Variants in SFMBT1 observed in about 807,000 individuals in gnomAD.
SFMBT1 encodes the protein scm-like with four MBT domains protein 1.
SFMBT1 carries 32 observed loss-of-function variants against 108.7 expected under a neutral mutation model. The ratio of observed to expected loss-of-function variants is 0.29; its 90% CI spans 0.22 to 0.40. The LOEUF is 0.40. SFMBT1 is among the 10% of genes least tolerant of loss of function. The pLI is 1.00. For synonymous variants in SFMBT1, 348 were observed against 369.5 expected, an observed-to-expected ratio of 0.94 and a Z score of 0.67; for missense variants, 816 against 1,059.6, an observed-to-expected ratio of 0.77 and a Z score of 3.19.
intron 1 of SFMBT1, among the ~76,000 whole-genome samples, chr3:52,984,912 T>C (rs769822808): frequency 3.9e-5 from 6 of 152,138 alleles, no homozygotes; most frequent in African/African-American, 7.2e-5. Context: ...TACCAGGATA[T>C]TGAGCACCTC....
chr3:52,913,851 T>C (rs555755965), intron 14 of SFMBT1, among the ~76,000 whole-genome samples: 154 of 152,344 alleles, frequency 1.0e-3, no homozygotes, highest in African/African-American at 3.5e-3. Flanking sequence ...GATTAGTTCC[T>C]AGGTTACTGC....
chr3:52,986,980 T>G lies in SFMBT1; in HGVS notation c.-130-17722A>C, dbSNP rs541777787. On this transcript the variant is annotated intron_variant, in intron 1 of 20. Transcript: ENST00000394752. ...TTTCTTTATATCCTTATTCTATAAC[T>G]TTTTTCTATTAACTTTTTATTTACT... Among the ~76,000 whole-genome samples the G allele has an allele frequency of 5.3e-5, 8 of 152,176 alleles. No individual in the cohort carries two copies. In the South Asian group the frequency reaches 1.7e-3, roughly 32 times the overall value.
chr3:52,910,026 C>T (rs1231913788), intron 17 of SFMBT1, among the ~76,000 whole-genome samples: 1 of 152,164 alleles, frequency 6.6e-6, no homozygotes, highest in African/African-American at 2.4e-5. Flanking sequence ...ACCCAGCTCT[C>T]TGCACAGCTG....
intron 1 of SFMBT1, among the ~76,000 whole-genome samples, chr3:53,005,956 A>C (rs1698725705): frequency 6.6e-6 from 1 of 152,210 alleles, no homozygotes; most frequent in Admixed American, 6.5e-5. Flanking sequence ...TGGGGCAGGC[A>C]GGACCATGCA....
At chr3:52,926,248 A>C in intron 9 of SFMBT1, 135 bp from the exon 10 acceptor site, 1 of 690,876 alleles carries the variant, frequency 1.4e-6, no homozygotes, top group Non-Finnish European at 2.4e-6. Context: ...AGAGGGGCGA[A>C]AAGCATTCTA....
chr3:52,907,615 A>C lies in SFMBT1; in HGVS notation c.2025T>G (p.Phe675Leu). 1 of 1,614,170 alleles carries C rather than the reference A, an allele frequency of 6.2e-7. No individual in the cohort carries two copies. The highest frequency in any genetic ancestry group is 8.5e-7 in the Non-Finnish European group (1 of 1,180,026). ...SKRRKRRKNV[F>L]VHKKKRSSAS... is the part of the protein sequence containing the mutation. ...CAGAGGAGCGTTTCTTCTTATGAAC[A>C]AAAACATTTTTCCGCCTCTTTCTCC... The change falls in exon 18 of 21, where the codon TTT (phenylalanine) becomes TTG (leucine). Residue 675 changes from phenylalanine to leucine, a missense_variant. Physicochemically the swap from Phe to Leu is conservative, Grantham distance 22. Coordinates refer to ENST00000394752, the MANE Select transcript of SFMBT1 (RefSeq NM_016329.4).
At chr3:52,935,022 T>G in intron 4 of SFMBT1, 121 bp from the exon 5 acceptor site, 1 of 725,438 alleles carries the variant, frequency 1.4e-6, no homozygotes, top group South Asian at 1.9e-5. Flanking sequence ...TCCAACATAC[T>G]GCTTGAGAGC....
intron 1 of SFMBT1, among the ~76,000 whole-genome samples, chr3:53,038,902 A>C (rs1225173987): frequency 6.6e-6 from 1 of 152,190 alleles, no homozygotes; most frequent in Non-Finnish European, 1.5e-5. Flanking sequence ...TACAATTCTG[A>C]ACACACATAT....
chr3:52,968,657 T>C (rs1704232279), intron 2 of SFMBT1, among the ~76,000 whole-genome samples: 1 of 149,922 alleles, frequency 6.7e-6, no homozygotes, highest in African/African-American at 2.5e-5. Context: ...TGGAGTGCAG[T>C]GGCGCGATCC....
chr3:53,019,384 TGTG>T (rs756305236), intron 1 of SFMBT1, among the ~76,000 whole-genome samples: 1 of 111,798 alleles, frequency 8.9e-6, no homozygotes, highest in Non-Finnish European at 1.9e-5. Context: ...TGTGTGTGTG[TGTG>T]GGGGGGGTAT....
chr3:53,032,601 T>C (rs1362103398), intron 1 of SFMBT1, among the ~76,000 whole-genome samples: 1 of 152,178 alleles, frequency 6.6e-6, no homozygotes, highest in Non-Finnish European at 1.5e-5. Context: ...GTTTAGAACA[T>C]AATACATTTT....
intron 3 of SFMBT1, among the ~76,000 whole-genome samples, chr3:52,950,954 A>G (rs1349382241): frequency 6.6e-6 from 1 of 151,190 alleles, no homozygotes; most frequent in African/African-American, 2.4e-5. Context: ...CTCTACCAAA[A>G]TATATATATA....
intron 1 of SFMBT1, among the ~76,000 whole-genome samples, chr3:52,986,732 C>A (rs1027690491): frequency 2.3e-5 from 3 of 132,376 alleles, no homozygotes; most frequent in African/African-American, 5.8e-5. Flanking sequence ...ACCGAGATCG[C>A]GCCACTGCAC....
intron 1 of SFMBT1, among the ~76,000 whole-genome samples, chr3:52,972,744 AACACACACACACACACACACACACACAC>A (rs55859723): frequency 7.4e-5 from 7 of 95,092 alleles, no homozygotes; most frequent in African/African-American, 2.6e-4. Flanking sequence ...ATCTCTACTA[AACACACACACACACACACACACACACAC>A]ACACACACAC....
At chr3:52,976,694 A>C (rs756283571) in intron 1 of SFMBT1, among the ~76,000 whole-genome samples, 1 of 152,228 alleles carries the variant, frequency 6.6e-6, no homozygotes, top group Non-Finnish European at 1.5e-5. Context: ...AAAAAAAACT[A>C]TCTCCAGCGT....
chr3:53,028,071 C>T lies in SFMBT1; in HGVS notation c.-131+17745G>A, dbSNP rs887294480. ...TTGATTAACCCTAATTGCCTGCTGA[C>T]GTCTACGGTTGTTTCTTTTTCTCAG... On this transcript the variant is annotated intron_variant, in intron 1 of 20. Transcript: ENST00000394752. Among the ~76,000 whole-genome samples, 6 of 152,182 alleles carry T rather than the reference C, an allele frequency of 3.9e-5. No homozygotes were observed. In the East Asian group the frequency reaches 7.7e-4, roughly 20 times the overall value.
intron 1 of SFMBT1, among the ~76,000 whole-genome samples, chr3:53,012,770 G>T (rs1698998825): frequency 6.6e-6 from 1 of 151,608 alleles, no homozygotes; most frequent in African/African-American, 2.4e-5. Context: ...AAAGTCAAAG[G>T]TTAGGGCCTA....
intron 1 of SFMBT1, among the ~76,000 whole-genome samples, chr3:53,031,731 A>G (rs1699694043): frequency 6.6e-6 from 1 of 152,190 alleles, no homozygotes; most frequent in Admixed American, 6.5e-5. Context: ...TGATTAAAAG[A>G]CAGACACAGT....
intron 15 of SFMBT1, 40 bp from the exon 16 acceptor site, chr3:52,912,687 AG>A: frequency 7.0e-7 from 1 of 1,428,616 alleles, no homozygotes; most frequent in Non-Finnish European, 9.9e-7. Context: ...ATTGGGAAGG[AG>A]AAAAGCAGAC....
Sources: gnomAD v4.1 joint callset for allele counts (sites outside exome capture counted in the v4.1 genomes callset) on GRCh38, gnomAD v4.1.1 for gene constraint, MANE v1.5 for transcripts, NCBI Gene and HGNC (gene_info 2026-07-23, HGNC 2026-07-21) for gene names.